Variants in EXOC4 observed in about 807,000 individuals in gnomAD.
EXOC4 encodes the protein SEC8-like 1.
In EXOC4, 71 loss-of-function variants were observed where a neutral mutation model predicts 107.2. The observed-to-expected ratio is 0.66, with a 90% confidence interval of 0.55 to 0.81. EXOC4 has a LOEUF of 0.81. Among genes scored for constraint, EXOC4 ranks in the 30% least tolerant of loss-of-function variants. EXOC4 has a pLI of 0.00. For missense variants in EXOC4, 1,108 were observed against 1,189.6 expected, an observed-to-expected ratio of 0.93 and a Z score of 1.01; for synonymous variants, 456 against 441.2, an observed-to-expected ratio of 1.03 and a Z score of -0.42.
intron 10 of EXOC4, among the ~76,000 whole-genome samples, chr7:133,716,884 G>A (rs1444262336): frequency 3.9e-5 from 6 of 152,066 alleles, no homozygotes; most frequent in Non-Finnish European, 7.4e-5. Context: ...AGATTGTGGT[G>A]AGCCCAGATC....
chr7:133,615,566 G>C (rs1046189261), intron 9 of EXOC4, among the ~76,000 whole-genome samples: 1 of 152,084 alleles, frequency 6.6e-6, no homozygotes, highest in Non-Finnish European at 1.5e-5. Context: ...CTTTGTTCAA[G>C]GATTAGCTAT....
chr7:133,852,766 A>G (rs1798262510), intron 11 of EXOC4, among the ~76,000 whole-genome samples: 1 of 152,208 alleles, frequency 6.6e-6, no homozygotes, highest in Non-Finnish European at 1.5e-5. Flanking sequence ...ATTGGGGAAC[A>G]AGTAAAAGCT....
intron 11 of EXOC4, among the ~76,000 whole-genome samples, chr7:133,839,637 G>T (rs115196749): frequency 6.6e-6 from 1 of 152,156 alleles, no homozygotes; most frequent in East Asian, 1.9e-4. Context: ...GAGCTTTAAG[G>T]TATCAGCCAT....
rs755051396 is a variant in EXOC4 at position 133,274,136 on chromosome 7, C to G, written c.87-846C>G. Reference sequence around the variant, plus strand: ...TTCCCTGGTTATTGTTGATTCATATCAATCTTGTTAGTGCTGTTCGAAGAC... The same window carrying G: ...TTCCCTGGTTATTGTTGATTCATATGAATCTTGTTAGTGCTGTTCGAAGAC... On this transcript the variant is annotated intron_variant, in intron 1 of 17. Coordinates refer to ENST00000253861, the MANE Select transcript of EXOC4 (RefSeq NM_021807.4). 2.0e-5 allele frequency among the ~76,000 whole-genome samples: 3 copies of G among 152,300 alleles called. No individual in the cohort carries two copies. In the East Asian group the frequency reaches 5.8e-4, roughly 29 times the overall value.
intron 9 of EXOC4, among the ~76,000 whole-genome samples, chr7:133,558,193 TTTCTTTTC>T (rs1343033410): frequency 1.4e-5 from 1 of 72,440 alleles, no homozygotes; most frequent in East Asian, 5.8e-4. Flanking sequence ...TTCCTTCTCT[TTTCTTTTC>T]TTTTCTTTTC....
intron 9 of EXOC4, among the ~76,000 whole-genome samples, chr7:133,552,957 T>A (rs1412613269): frequency 6.6e-6 from 1 of 152,132 alleles, no homozygotes; most frequent in Non-Finnish European, 1.5e-5. Flanking sequence ...GACTTACCTT[T>A]GTAAGGTCTG....
At chr7:133,968,540 G>C (rs945388736) in intron 14 of EXOC4, among the ~76,000 whole-genome samples, 4 of 152,182 alleles carry the variant, frequency 2.6e-5, no homozygotes, top group Non-Finnish European at 4.4e-5. Context: ...GCCTGGTGGT[G>C]ACAAAATCTC....
intron 1 of EXOC4, chr7:133,253,511 T>TA: frequency 9.4e-7 from 1 of 1,061,506 alleles, no homozygotes; most frequent in Non-Finnish European, 1.1e-6. Flanking sequence ...TATTGATTCC[T>TA]AAAATGCTTG....
rs184603899 is a variant in EXOC4 at position 134,004,895 on chromosome 7, A to G, written c.2349-17A>G. On this transcript the variant is annotated splice_polypyrimidine_tract_variant and intron_variant, in intron 15 of 17. Coordinates refer to ENST00000253861, the MANE Select transcript of EXOC4 (RefSeq NM_021807.4). ...GGATTTATTATTAACTGCTCTCCCTATCTCTCTCTTTTTCAGGGTTCACTG... is the reference window on the plus strand; with the variant it reads ...GGATTTATTATTAACTGCTCTCCCTGTCTCTCTCTTTTTCAGGGTTCACTG... 1.1e-5 allele frequency: 17 copies of G among 1,605,044 alleles called. No homozygotes were observed. Among genetic ancestry groups the G allele is most frequent in the South Asian group, 4.4e-5 (4 of 90,102 alleles).
chr7:133,578,270 C>A (rs1262946859), intron 9 of EXOC4, among the ~76,000 whole-genome samples: 5 of 152,094 alleles, frequency 3.3e-5, no homozygotes, highest in Non-Finnish European at 7.4e-5. Context: ...ACCTGACTAT[C>A]CTTGGTACAT....
At chr7:133,810,496 G>A (rs1797195451) in intron 10 of EXOC4, among the ~76,000 whole-genome samples, 1 of 152,114 alleles carries the variant, frequency 6.6e-6, no homozygotes, top group African/African-American at 2.4e-5. Context: ...TATTGCATAT[G>A]TACATACATT....
chr7:133,640,032 TAC>T (rs1802814278), intron 10 of EXOC4, among the ~76,000 whole-genome samples: 1 of 152,162 alleles, frequency 6.6e-6, no homozygotes, highest in East Asian at 1.9e-4. Flanking sequence ...GAGCTATACA[TAC>T]ATACATTCAA....
intron 5 of EXOC4, among the ~76,000 whole-genome samples, chr7:133,353,194 T>A (rs1795949637): frequency 6.6e-6 from 1 of 152,156 alleles, no homozygotes; most frequent in Admixed American, 6.5e-5. Flanking sequence ...TACTAATTTT[T>A]ATAATTGCCT....
At chr7:133,552,846 C>G (rs953130046) in intron 9 of EXOC4, among the ~76,000 whole-genome samples, 38 of 152,198 alleles carry the variant, frequency 2.5e-4, no homozygotes, top group African/African-American at 8.4e-4. Flanking sequence ...GTGTATTTTA[C>G]CCATTAATGT....
intron 9 of EXOC4, among the ~76,000 whole-genome samples, chr7:133,485,079 CA>C (rs1491252321): frequency 3.6e-5 from 1 of 27,870 alleles, no homozygotes; most frequent in African/African-American, 1.1e-4. Flanking sequence ...GACTCCGTCT[CA>C]AAAAATAAAT....
chr7:133,267,452 A>G (rs1453524615), intron 1 of EXOC4, among the ~76,000 whole-genome samples: 1 of 152,200 alleles, frequency 6.6e-6, no homozygotes. Context: ...AGCTTCCCAG[A>G]TAGTGCCCTT....
At chr7:134,010,859 A>G (rs1794747306) in intron 17 of EXOC4, among the ~76,000 whole-genome samples, 1 of 152,190 alleles carries the variant, frequency 6.6e-6, no homozygotes, top group Non-Finnish European at 1.5e-5. Context: ...ATCTGGAGGG[A>G]TTCCATTGAT....
intron 10 of EXOC4, among the ~76,000 whole-genome samples, chr7:133,696,109 C>T (rs2151082254): frequency 6.6e-6 from 1 of 152,336 alleles, no homozygotes; most frequent in South Asian, 2.1e-4. Flanking sequence ...CTTCCTGTGG[C>T]TAACTGAGGT....
intron 14 of EXOC4, among the ~76,000 whole-genome samples, chr7:133,942,175 C>A (rs1800445610): frequency 6.6e-6 from 1 of 151,912 alleles, no homozygotes; most frequent in Non-Finnish European, 1.5e-5. Context: ...TTAGGGAGGC[C>A]CTTCTCTCTA....
Sources: gnomAD v4.1 joint callset for allele counts (sites outside exome capture counted in the v4.1 genomes callset) on GRCh38, gnomAD v4.1.1 for gene constraint, MANE v1.5 for transcripts, NCBI Gene and HGNC (gene_info 2026-07-23, HGNC 2026-07-21) for gene names.